Variants in PTPRD observed in about 807,000 individuals in gnomAD.
PTPRD encodes protein tyrosine phosphatase receptor type D.
Under a neutral mutation model 214.5 loss-of-function variants are expected in PTPRD, and 34 were observed. The ratio of observed to expected loss-of-function variants is 0.16; its 90% CI spans 0.12 to 0.21. The LOEUF is 0.21. Ranked by LOEUF, PTPRD falls within the 10% of genes least tolerant of loss-of-function variation. The pLI, the probability that PTPRD is intolerant of heterozygous loss-of-function variation, is 1.00. For synonymous variants in PTPRD, 1,128 were observed against 845.7 expected (o/e 1.33, Z -5.79); for missense variants, 2,545 against 2,398.7 (o/e 1.06, Z -1.27).
Position 8,880,731 on chromosome 9 carries a change from T to G in PTPRD, c.-104+137966A>C, listed in dbSNP as rs111985526. Reference sequence around the variant, plus strand: ...TTATCCAAGCACAAATAAATAGAATTAAAATATTTTAATGTAGTTGGTTTC... The same window carrying G: ...TTATCCAAGCACAAATAAATAGAATGAAAATATTTTAATGTAGTTGGTTTC... On this transcript the variant is annotated intron_variant, in intron 11 of 45. Coordinates refer to ENST00000381196, the MANE Select transcript of PTPRD (RefSeq NM_002839.4). Among the ~76,000 whole-genome samples, 355 of 152,232 alleles carry G rather than the reference T, an allele frequency of 2.3e-3. 1 individual carries two copies. The highest frequency in any genetic ancestry group is 8.0e-3 in the African/African-American group (332 of 41,544).
intron 4 of PTPRD, among the ~76,000 whole-genome samples, chr9:9,968,053 C>G (rs2094830238): frequency 6.6e-6 from 1 of 152,110 alleles, no homozygotes. Context: ...ATCATAATGA[C>G]TAAATGTACA....
intron 2 of PTPRD, among the ~76,000 whole-genome samples, chr9:10,523,720 C>T (rs702128): frequency 0.94 from 139,491 of 147,916 alleles, 65,924 homozygotes; most frequent in Non-Finnish European, 0.98. Context: ...TGAAATTTTA[C>T]ATAAATGGCT....
At chr9:10,091,762 AAATAAG>A (rs1407832234) in intron 3 of PTPRD, among the ~76,000 whole-genome samples, 1 of 129,136 alleles carries the variant, frequency 7.7e-6, no homozygotes, top group East Asian at 2.5e-4. Flanking sequence ...TATTCTTCAT[AAATAAG>A]AATATGTATC....
chr9:9,393,725 C>T (rs114487983), intron 9 of PTPRD, among the ~76,000 whole-genome samples: 1 of 152,080 alleles, frequency 6.6e-6, no homozygotes, highest in Non-Finnish European at 1.5e-5. Context: ...GCTTTCTAAT[C>T]CTCAGATTCT....
intron 12 of PTPRD, among the ~76,000 whole-genome samples, chr9:8,713,019 T>C (rs761480280): frequency 1.3e-5 from 2 of 152,226 alleles, no homozygotes; most frequent in South Asian, 4.1e-4. Context: ...GCACCCAGCC[T>C]GATTCTTTAA....
intron 7 of PTPRD, among the ~76,000 whole-genome samples, chr9:9,682,086 C>T (rs2097085715): frequency 6.6e-6 from 1 of 151,758 alleles, no homozygotes; most frequent in Non-Finnish European, 1.5e-5. Context: ...CTCTAACTTG[C>T]CAGCCCCTGG....
At chr9:10,367,933 A>G (rs2097543883) in intron 2 of PTPRD, among the ~76,000 whole-genome samples, 1 of 152,160 alleles carries the variant, frequency 6.6e-6, no homozygotes, top group South Asian at 2.1e-4. Flanking sequence ...GACAAAATAT[A>G]TCAGCACATT....
chr9:10,497,070 TCTTA>T (rs2042280846), intron 2 of PTPRD, among the ~76,000 whole-genome samples: 1 of 151,910 alleles, frequency 6.6e-6, no homozygotes, highest in African/African-American at 2.4e-5. Flanking sequence ...TACCTTATGT[TCTTA>T]CTTATAAATA....
chr9:8,364,011 T>C (rs2079146099), intron 39 of PTPRD, among the ~76,000 whole-genome samples: 1 of 152,214 alleles, frequency 6.6e-6, no homozygotes. Context: ...AGGCAAAGGG[T>C]TTGAAAATAC....
chr9:9,822,742 C>T (rs2051229055), intron 5 of PTPRD, among the ~76,000 whole-genome samples: 1 of 151,812 alleles, frequency 6.6e-6, no homozygotes, highest in African/African-American at 2.4e-5. Flanking sequence ...ATTCTGAAAG[C>T]TAAAATGCTC....
chr9:10,379,424 A>G (rs764792908), intron 2 of PTPRD, among the ~76,000 whole-genome samples: 43 of 151,954 alleles, frequency 2.8e-4, no homozygotes, highest in Non-Finnish European at 5.3e-4. Context: ...GGTAAAAGTT[A>G]GCATCCTTGT....
At chr9:9,402,642 T>C (rs948804075) in intron 8 of PTPRD, among the ~76,000 whole-genome samples, 4 of 151,820 alleles carry the variant, frequency 2.6e-5, no homozygotes, top group South Asian at 2.1e-4. Flanking sequence ...TACCAAAACA[T>C]TGAGATAATG....
At chr9:10,369,536 A>T (rs970072773) in intron 2 of PTPRD, among the ~76,000 whole-genome samples, 3 of 152,144 alleles carry the variant, frequency 2.0e-5, no homozygotes, top group Admixed American at 1.3e-4. Context: ...GTTTTCTAGT[A>T]TGTATAAGAA....
chr9:8,504,634 G>A (rs1008103410), intron 22 of PTPRD, among the ~76,000 whole-genome samples: 2 of 152,194 alleles, frequency 1.3e-5, no homozygotes, highest in Non-Finnish European at 2.9e-5. Context: ...GGAAGTCAGA[G>A]ATCTTTTTAA....
At chr9:9,765,795 G>A (rs1027611327) in intron 6 of PTPRD, among the ~76,000 whole-genome samples, 4 of 151,954 alleles carry the variant, frequency 2.6e-5, no homozygotes, top group African/African-American at 9.7e-5. Context: ...TGAGTAGCTG[G>A]GACTACAGGC....
intron 10 of PTPRD, among the ~76,000 whole-genome samples, chr9:9,125,808 A>C (rs1311690562): frequency 1.3e-5 from 2 of 152,170 alleles, no homozygotes; most frequent in Non-Finnish European, 2.9e-5. Context: ...ACACACAAAC[A>C]ACAAATAAAG....
intron 9 of PTPRD, among the ~76,000 whole-genome samples, chr9:9,258,168 C>T (rs1301548492): frequency 1.3e-5 from 2 of 151,780 alleles, no homozygotes; most frequent in South Asian, 2.1e-4. Context: ...ATAAACATTA[C>T]GATGGCTGAC....
chr9:9,496,093 G>A (rs1038769766), intron 8 of PTPRD, among the ~76,000 whole-genome samples: 2 of 152,138 alleles, frequency 1.3e-5, no homozygotes, highest in South Asian at 4.1e-4. Context: ...CCCTTGCTGT[G>A]AGTCTGGCAA....
intron 10 of PTPRD, among the ~76,000 whole-genome samples, chr9:9,044,471 A>T (rs2099664031): frequency 6.6e-6 from 1 of 152,210 alleles, no homozygotes; most frequent in African/African-American, 2.4e-5. Context: ...GCCTCCTAGC[A>T]ATACATGAAC....
Sources: gnomAD v4.1 joint callset for allele counts (sites outside exome capture counted in the v4.1 genomes callset) on GRCh38, gnomAD v4.1.1 for gene constraint, MANE v1.5 for transcripts, NCBI Gene and HGNC (gene_info 2026-07-23, HGNC 2026-07-21) for gene names.